FKBP15: variants seen among roughly 807,000 people sequenced by gnomAD.
FKBP15 encodes the protein FK506-binding protein 15.
FKBP15 carries 106 observed loss-of-function variants against 158.1 expected under a neutral mutation model. That is an observed-to-expected ratio of 0.67 (90% CI 0.57 to 0.79). The LOEUF is 0.79. Among genes scored for constraint, FKBP15 ranks in the 30% least tolerant of loss-of-function variants. The pLI, the probability that FKBP15 is intolerant of heterozygous loss-of-function variation, is 0.00. For missense variants in FKBP15, 1,287 were observed against 1,479.1 expected (o/e 0.87, Z 2.13); for synonymous variants, 547 against 548.6 (o/e 1.00, Z 0.04).
rs79666239 is a variant in FKBP15 at position 113,206,219 on chromosome 9, C to T, written c.324+290G>A. 231 of 462,552 alleles carry T rather than the reference C, an allele frequency of 5.0e-4. 2 individuals are homozygous for T. Among genetic ancestry groups the T allele is most frequent in the Non-Finnish European group, 1.6e-4 (40 of 256,666 alleles). 28.7% of individuals were successfully genotyped at this position (462,552 alleles called of 1,614,324 possible). ...GTATTTGTGTATGTGTGTGTACACA[C>T]GCACCCCACAATTGAACAACAAACA... On this transcript the variant is annotated intron_variant, in intron 4 of 27. Transcript: ENST00000238256.
chr9:113,168,553 G>C lies in FKBP15; in HGVS notation c.3489C>G (p.Leu1163=). 6.2e-7 allele frequency: 1 copy of C among 1,613,638 alleles called. No homozygotes were observed. Among genetic ancestry groups the C allele is most frequent in the Non-Finnish European group, 8.5e-7 (1 of 1,179,602 alleles). The change falls in exon 27 of 28, where the codon CTC becomes CTG. Residue 1163 remains leucine, a synonymous_variant. Transcript: ENST00000238256. ...ACAGTTCATCCTCTTCATCCCCAGA[G>C]AGACTGAAGGAAAATCAAGTCATAG... The part of the protein sequence containing the change: ...RPSHHSQRSS[L]SGDEEDELFK...
chr9:113,169,408 C>G lies in FKBP15; in HGVS notation c.3301G>C (p.Asp1101His), dbSNP rs1454340698. 1.2e-6 allele frequency: 2 copies of G among 1,614,052 alleles called. No homozygotes were observed. Among genetic ancestry groups the G allele is most frequent in the Non-Finnish European group, 1.7e-6 (2 of 1,179,896 alleles). ...ESSTRLSLTS[D>H]PEEGDPLALG... ...GCCAGTGGGTCCCCCTCCTCGGGGT[C>G]TGAAGTCAGGGACAGTCTTGTGGAG... The change falls in exon 26 of 28, where the codon GAC becomes CAC. Residue 1101 changes from aspartate (D) to histidine (H), a missense_variant. Asp to His is a moderately conservative substitution (Grantham distance 81). Transcript: ENST00000238256.
At chr9:113,211,714 C>T in intron 1 of FKBP15, 122 bp from the exon 2 acceptor site, 1 of 523,756 alleles carries the variant, frequency 1.9e-6, no homozygotes, top group Non-Finnish European at 3.3e-6. Flanking sequence ...CCATTCAATA[C>T]TAGAAACACT....
chr9:113,199,232 C>A (rs1830742256), intron 7 of FKBP15, among the ~76,000 whole-genome samples: 1 of 152,142 alleles, frequency 6.6e-6, no homozygotes, highest in Non-Finnish European at 1.5e-5. Flanking sequence ...CTGACACTAA[C>A]CCTGCCGAGT....
intron 22 of FKBP15, among the ~76,000 whole-genome samples, chr9:113,173,900 T>C (rs1351473958): frequency 6.6e-6 from 1 of 152,174 alleles, no homozygotes; most frequent in Non-Finnish European, 1.5e-5. Context: ...CTAAACTTTA[T>C]AGGTTCAGAA....
intron 1 of FKBP15, among the ~76,000 whole-genome samples, chr9:113,219,740 G>A (rs1476693323): frequency 6.6e-6 from 1 of 152,158 alleles, no homozygotes; most frequent in African/African-American, 2.4e-5. Context: ...ACTGATTGTT[G>A]CATGAAAATT....
Position 113,165,982 on chromosome 9 carries a change from C to T in FKBP15, c.*96G>A. On this transcript the variant is annotated 3_prime_UTR_variant, in exon 28 of 28. Transcript: ENST00000238256. Reference sequence around the variant, plus strand: ...ATTGTTCCCAGAATGCTCACCTTGACCTCACCCTGTGGTTCGCCTAGACCC... The same window carrying T: ...ATTGTTCCCAGAATGCTCACCTTGATCTCACCCTGTGGTTCGCCTAGACCC... The T allele has an allele frequency of 2.5e-6, 3 of 1,207,068 alleles. No homozygotes were observed. In the South Asian group the frequency reaches 4.1e-5, roughly 17 times the overall value. 74.8% of individuals were successfully genotyped at this position (1,207,068 alleles called of 1,614,324 possible).
chr9:113,202,581 A>G lies in FKBP15; in HGVS notation c.448T>C (p.Trp150Arg). The G allele has an allele frequency of 6.3e-7, 1 of 1,584,598 alleles. No homozygotes were observed. Among genetic ancestry groups the G allele is most frequent in the Non-Finnish European group, 8.6e-7 (1 of 1,164,232 alleles). ...STFYDDQRQN[W>R]SIMFESEKAA... ...TTTTCCGACTCAAACATGATGGACC[A>G]GTTCTGTCTCTGGTCATCATAAAAG... is the stretch of plus-strand genomic sequence containing the variant. Residue 150 changes from tryptophan to arginine, a missense_variant, in exon 6 of 28, where the codon TGG becomes CGG. Trp to Arg is a moderately radical substitution (Grantham distance 101). Transcript: ENST00000238256.
Position 113,173,434 on chromosome 9 carries a change from A to G in FKBP15, c.2532+19T>C, listed in dbSNP as rs1443878125. 1 of 1,609,226 alleles carries G rather than the reference A, an allele frequency of 6.2e-7. No homozygotes were observed. Among genetic ancestry groups the G allele is most frequent in the Non-Finnish European group, 8.5e-7 (1 of 1,176,138 alleles). Reference sequence around the variant, plus strand: ...TTAACTGGGCTGCCTAAACTGTCTGACTCAAGAAAAATATGTACCTTTTCC... The same window carrying G: ...TTAACTGGGCTGCCTAAACTGTCTGGCTCAAGAAAAATATGTACCTTTTCC... On this transcript the variant is annotated intron_variant, in intron 23 of 27. Transcript: ENST00000238256.
chr9:113,171,422 C>T (rs927804402), intron 24 of FKBP15, among the ~76,000 whole-genome samples, 159 bp downstream of exon 24: 1 of 152,254 alleles, frequency 6.6e-6, no homozygotes, highest in African/African-American at 2.4e-5. Flanking sequence ...GAGACTCCGT[C>T]TCAAACAAAC....
intron 24 of FKBP15, among the ~76,000 whole-genome samples, 181 bp from the exon 25 acceptor site, chr9:113,170,810 C>G (rs1484615042): frequency 3.3e-5 from 5 of 152,166 alleles, no homozygotes. Context: ...AAATAATGAG[C>G]AGCACTTTGA....
intron 1 of FKBP15, among the ~76,000 whole-genome samples, chr9:113,212,196 T>C (rs1831020335): frequency 6.6e-6 from 1 of 152,156 alleles, no homozygotes; most frequent in Admixed American, 6.5e-5. Context: ...TTGTTTGTTT[T>C]TGTTTTTTTT....
chr9:113,202,863 G>T, intron 5 of FKBP15, 98 bp downstream of exon 5: 3 of 1,026,826 alleles, frequency 2.9e-6, no homozygotes, highest in South Asian at 1.4e-5. Flanking sequence ...ACCCAGGGCT[G>T]AACCAGTGGA....
At chr9:113,216,407 T>C (rs759526132) in intron 1 of FKBP15, among the ~76,000 whole-genome samples, 3 of 152,232 alleles carry the variant, frequency 2.0e-5, no homozygotes, top group Non-Finnish European at 4.4e-5. Flanking sequence ...TAAGTTTAAG[T>C]TTCCTGTAAA....
At position 113,186,353 on chromosome 9, in the gene FKBP15, C is replaced by A. The variant is rs1457600285; in HGVS notation, c.1394G>T (p.Gly465Val). The change falls in exon 15 of 28, where the codon GGT (glycine) becomes GTT (valine). Residue 465 changes from glycine to valine, a missense_variant. Transcript: ENST00000238256. ...GNAQSFQPYA[G>V]MQAYAYPQAS... ...CTGGGGATAAGCGTAGGCTTGCATA[C>A]CTGCATAGGGCTGAGAAACTGACGA... 7.7e-6 allele frequency: 12 copies of A among 1,559,918 alleles called. No individual in the cohort carries two copies. Among genetic ancestry groups the A allele is most frequent in the Non-Finnish European group, 1.0e-5 (12 of 1,150,876 alleles).
At chr9:113,175,249 A>AT (rs1206497789) in intron 21 of FKBP15, among the ~76,000 whole-genome samples, 10 of 152,210 alleles carry the variant, frequency 6.6e-5, no homozygotes, top group Admixed American at 1.3e-4. Flanking sequence ...AATTCCACAA[A>AT]TTGTAATTAA....
At chr9:113,205,502 A>AATT (rs1830869746) in intron 4 of FKBP15, among the ~76,000 whole-genome samples, 1 of 152,192 alleles carries the variant, frequency 6.6e-6, no homozygotes, top group Non-Finnish European at 1.5e-5. Flanking sequence ...AGAATTTAAA[A>AATT]ATAATAATAA....
intron 15 of FKBP15, among the ~76,000 whole-genome samples, chr9:113,185,907 T>C (rs955746222): frequency 3.3e-5 from 5 of 152,166 alleles, no homozygotes; most frequent in African/African-American, 1.2e-4. Flanking sequence ...CTATTTTCTC[T>C]AAACTCTAGC....
intron 11 of FKBP15, among the ~76,000 whole-genome samples, chr9:113,191,623 A>G (rs1406263524): frequency 6.7e-6 from 1 of 148,776 alleles, no homozygotes; most frequent in African/African-American, 2.4e-5. Context: ...ACATGAAAAG[A>G]TTCTGCATTA....
Sources: allele counts gnomAD v4.1 joint callset (sites outside exome capture counted in the v4.1 genomes callset), GRCh38; gene constraint gnomAD v4.1.1; transcripts MANE v1.5; gene names NCBI Gene and HGNC (gene_info 2026-07-23, HGNC 2026-07-21).